The following STX6 variants were observed in gnomAD, a reference collection of about 807,000 sequenced individuals.
The protein encoded by STX6 is syntaxin-6.
Under a neutral mutation model 38.0 loss-of-function variants are expected in STX6, and 23 were observed. The observed-to-expected ratio is 0.60, with a 90% confidence interval of 0.43 to 0.86. The LOEUF is 0.86. Among genes scored for constraint, STX6 ranks in the 40% least tolerant of loss-of-function variants. The pLI is 0.00. For synonymous variants in STX6, 123 were observed against 107.5 expected (o/e 1.14, Z -0.89); for missense variants, 274 against 312.9 (o/e 0.88, Z 0.94).
At chr1:181,010,395 G>A (rs911068876) in intron 1 of STX6, among the ~76,000 whole-genome samples, 7 of 151,858 alleles carry the variant, frequency 4.6e-5, no homozygotes, top group Admixed American at 2.0e-4. Flanking sequence ...TCCACCTCCC[G>A]GGTTCAATCG....
intron 7 of STX6, among the ~76,000 whole-genome samples, chr1:180,979,253 T>TG (rs1655337089): frequency 6.6e-6 from 1 of 151,944 alleles, no homozygotes; most frequent in Non-Finnish European, 1.5e-5. Flanking sequence ...AAAAAAAGAC[T>TG]GAAAAAAAAC....
At chr1:181,004,800 C>T (rs952092943) in intron 2 of STX6, among the ~76,000 whole-genome samples, 14 of 151,992 alleles carry the variant, frequency 9.2e-5, no homozygotes, top group East Asian at 1.9e-4. Context: ...CAGTTGGAAG[C>T]GCTGGTCACA....
intron 3 of STX6, among the ~76,000 whole-genome samples, chr1:180,997,656 C>T (rs138493950): frequency 2.3e-4 from 35 of 152,228 alleles, no homozygotes; most frequent in African/African-American, 8.2e-4. Context: ...TTAAGCTCAC[C>T]TATTTTTACT....
At chr1:180,980,195 A>G (rs1347872809) in intron 7 of STX6, among the ~76,000 whole-genome samples, 1 of 123,660 alleles carries the variant, frequency 8.1e-6, no homozygotes, top group East Asian at 2.6e-4. Context: ...TGACAGAGTC[A>G]GACTCTGTCT....
chr1:180,976,503 C>A lies in STX6; in HGVS notation c.*67G>T, dbSNP rs1443103013. ...AATGTGAGTAGACGGCAATGTCACA[C>A]GTGCTCAGCTTCTCCTCCTCCCCTC... is the stretch of plus-strand genomic sequence containing the variant. On this transcript the variant is annotated 3_prime_UTR_variant, in exon 8 of 8. Transcript: ENST00000258301. 2.0e-5 allele frequency: 27 copies of A among 1,370,560 alleles called. No individual in the cohort carries two copies. Among genetic ancestry groups the A allele is most frequent in the Non-Finnish European group, 2.3e-5 (22 of 961,250 alleles). 84.9% of individuals were successfully genotyped at this position (1,370,560 alleles called of 1,614,324 possible).
In STX6 at chr1:180,988,134, G is replaced by C. The variant is rs1321661334; in HGVS notation, c.596+105C>G. The C allele has an allele frequency of 8.2e-6, 6 of 735,116 alleles. No individual in the cohort carries two copies. In the East Asian group the frequency reaches 1.3e-4, roughly 16 times the overall value. The allele number at this position is 735,116 out of a possible 1,614,324, so 45.5% of individuals were successfully genotyped here. On this transcript the variant is annotated intron_variant, in intron 6 of 7. Transcript: ENST00000258301. The stretch of plus-strand genomic sequence containing the variant: ...TAAAAATGCAGCTATGAATAAAATA[G>C]CTTTTGATTTTACCAGCCACGTAGC...
chr1:181,019,353 G>GAA lies in STX6; in HGVS notation c.35+3284_35+3285dup, dbSNP rs35983547. The stretch of plus-strand genomic sequence containing the variant: ...CAAGGTGTAGGCTGGAAATACAGAG[G>GAA]AAAAAAAAAAAAAAAACAGTCCCAA... On this transcript the variant is annotated intron_variant, in intron 1 of 7. Coordinates refer to ENST00000258301, the MANE Select transcript of STX6 (RefSeq NM_005819.6). Among the ~76,000 whole-genome samples, 88 of 104,814 alleles carry GAA rather than the reference G, an allele frequency of 8.4e-4. No individual in the cohort carries two copies. The South Asian group carries it at 8.9e-3, about 11-fold the overall frequency. 68.8% of individuals were successfully genotyped at this position (104,814 alleles called of 152,430 possible). A position where few individuals can be genotyped will look rare whatever the true frequency, so the allele number is the denominator to read the frequency against.
chr1:181,002,734 C>A, intron 2 of STX6, 34 bp from the exon 3 acceptor site: 2 of 1,412,418 alleles, frequency 1.4e-6, no homozygotes, highest in South Asian at 1.2e-5. Context: ...ACAATTTCAT[C>A]ATCAAAGCCT....
intron 1 of STX6, among the ~76,000 whole-genome samples, chr1:181,009,178 TAAAC>T (rs766380937): frequency 2.0e-5 from 3 of 152,114 alleles, no homozygotes; most frequent in Non-Finnish European, 2.9e-5. Flanking sequence ...AAAACCCAAT[TAAAC>T]AAAGCCAGCT....
At position 181,005,479 on chromosome 1, in the gene STX6, G is replaced by A. The variant is rs1248861780; in HGVS notation, c.36-16C>T. Reference sequence around the variant, plus strand: ...CTGTACCTCTCTGTAATCAAGATGAGGCAAAGGAGAGAAATCACAGACAAC... The same window carrying A: ...CTGTACCTCTCTGTAATCAAGATGAAGCAAAGGAGAGAAATCACAGACAAC... On this transcript the variant is annotated splice_polypyrimidine_tract_variant and intron_variant, in intron 1 of 7. Transcript: ENST00000258301. 2.5e-6 allele frequency: 4 copies of A among 1,601,520 alleles called. No individual in the cohort carries two copies. The South Asian group carries it at 3.4e-5, about 13-fold the overall frequency.
intron 3 of STX6, among the ~76,000 whole-genome samples, chr1:181,000,669 T>C (rs1424051705): frequency 6.6e-6 from 1 of 152,160 alleles, no homozygotes; most frequent in Non-Finnish European, 1.5e-5. Flanking sequence ...TTTCAGATAT[T>C]AGAAAATGAA....
Position 180,976,473 on chromosome 1 carries a change from A to AT in STX6, c.*96dup. The AT allele has an allele frequency of 2.9e-6, 3 of 1,051,690 alleles. No individual in the cohort carries two copies. Among genetic ancestry groups the AT allele is most frequent in the Non-Finnish European group, 4.4e-6 (3 of 679,468 alleles). 65.1% of individuals were successfully genotyped at this position (1,051,690 alleles called of 1,614,324 possible). A position where few individuals can be genotyped will look rare whatever the true frequency, so the allele number is the denominator to read the frequency against. Reference sequence around the variant, plus strand: ...GTCAGTGCAGCAGTATGTTTCCAGGATAGGAATGTGAGTAGACGGCAATGT... The same window carrying AT: ...GTCAGTGCAGCAGTATGTTTCCAGGATTAGGAATGTGAGTAGACGGCAATGT... On this transcript the variant is annotated 3_prime_UTR_variant, in exon 8 of 8. Coordinates refer to ENST00000258301, the MANE Select transcript of STX6 (RefSeq NM_005819.6).
intron 1 of STX6, among the ~76,000 whole-genome samples, chr1:181,014,669 G>A (rs561849381): frequency 6.6e-6 from 1 of 152,108 alleles, no homozygotes. Context: ...TCTCCAACTG[G>A]TTCCTGCCCC....
chr1:180,994,642 GAATA>G (rs1438070340), intron 3 of STX6, among the ~76,000 whole-genome samples: 3 of 152,182 alleles, frequency 2.0e-5, no homozygotes, highest in Admixed American at 6.5e-5. Context: ...TGAAGACAAA[GAATA>G]GATAGGTGGT....
chr1:181,018,612 G>C (rs72709648), intron 1 of STX6, among the ~76,000 whole-genome samples: 1 of 151,896 alleles, frequency 6.6e-6, no homozygotes, highest in Admixed American at 6.6e-5. Flanking sequence ...TACTTCATAA[G>C]GATAAAAGAG....
chr1:181,022,854 G>A lies in STX6; in HGVS notation c.-181C>T, dbSNP rs1156372633. 5.1e-6 allele frequency: 3 copies of A among 590,708 alleles called. No individual in the cohort carries two copies. Among genetic ancestry groups the A allele is most frequent in the Non-Finnish European group, 8.8e-6 (3 of 341,980 alleles). The allele number at this position is 590,708 out of a possible 1,614,324, so 36.6% of individuals were successfully genotyped here. A position where few individuals can be genotyped will look rare whatever the true frequency, so the allele number is the denominator to read the frequency against. On this transcript the variant is annotated 5_prime_UTR_variant, in exon 1 of 8. Transcript: ENST00000258301. The stretch of plus-strand genomic sequence containing the variant: ...CGGCCGCTGGTCCAGCACTCGCTCA[G>A]CACCACTGGCCGAATCCCGGACTCG...
Position 180,983,103 on chromosome 1 carries a change from G to A in STX6, c.691+1574C>T, listed in dbSNP as rs537430185. On this transcript the variant is annotated intron_variant, in intron 7 of 7. Transcript: ENST00000258301. ...GCAGTTAAGCACTTCTACTTTACTG[G>A]TATTTCATTTAATCCTCACAATTAC... Among the ~76,000 whole-genome samples, 3 of 152,240 alleles carry A rather than the reference G, an allele frequency of 2.0e-5. No individual in the cohort carries two copies. In the East Asian group the frequency reaches 5.8e-4, roughly 29 times the overall value.
chr1:180,993,300 A>G, intron 4 of STX6, 63 bp downstream of exon 4: 1 of 1,005,188 alleles, frequency 9.9e-7, no homozygotes. Context: ...CAGCATTTTT[A>G]AATTCCAAAT....
chr1:181,005,948 G>T (rs1200908668), intron 1 of STX6, among the ~76,000 whole-genome samples: 1 of 152,134 alleles, frequency 6.6e-6, no homozygotes, highest in Non-Finnish European at 1.5e-5. Context: ...TATAGGTTAA[G>T]TATTTTAATC....
Sources: allele counts gnomAD v4.1 joint callset (sites outside exome capture counted in the v4.1 genomes callset), GRCh38; gene constraint gnomAD v4.1.1; transcripts MANE v1.5; gene names NCBI Gene and HGNC (gene_info 2026-07-23, HGNC 2026-07-21).